Variants in EHD4 observed in about 807,000 individuals in gnomAD.
The protein encoded by EHD4 is EH domain-containing protein 4.
EHD4 carries 37 observed loss-of-function variants against 51.0 expected under a neutral mutation model. The observed-to-expected ratio is 0.73, with a 90% CI of 0.56 to 0.95. The LOEUF is 0.95. Among genes scored for constraint, EHD4 ranks in the 40% least tolerant of loss-of-function variants. The pLI, the probability that EHD4 is intolerant of heterozygous loss-of-function variation, is 0.00. For synonymous variants in EHD4, 297 were observed against 317.3 expected, an observed-to-expected ratio of 0.94 and a Z score of 0.68; for missense variants, 632 against 733.1, an observed-to-expected ratio of 0.86 and a Z score of 1.59.
At chr15:41,956,306 C>G (rs907775556) in intron 1 of EHD4, among the ~76,000 whole-genome samples, 5 of 150,390 alleles carry the variant, frequency 3.3e-5, no homozygotes, top group African/African-American at 9.7e-5. Flanking sequence ...GGCACCTTCA[C>G]CAAGCCTGGC....
chr15:41,965,869 A>T (rs1484620498), intron 1 of EHD4, among the ~76,000 whole-genome samples: 1 of 151,896 alleles, frequency 6.6e-6, no homozygotes, highest in Non-Finnish European at 1.5e-5. Flanking sequence ...CAACTGGCCC[A>T]GCTGCTGGCC....
intron 2 of EHD4, among the ~76,000 whole-genome samples, chr15:41,950,399 T>C (rs956271659): frequency 6.6e-6 from 1 of 152,242 alleles, no homozygotes; most frequent in Admixed American, 6.5e-5. Context: ...TGTGGCTGCT[T>C]GGGAGAGAAA....
intron 1 of EHD4, among the ~76,000 whole-genome samples, chr15:41,961,405 T>C (rs189067611): frequency 6.6e-6 from 1 of 152,220 alleles, no homozygotes; most frequent in East Asian, 1.9e-4. Context: ...GTGTTTTTGA[T>C]GTTGTAACTT....
At chr15:41,950,493 G>T (rs1665100934) in intron 2 of EHD4, among the ~76,000 whole-genome samples, 1 of 152,238 alleles carries the variant, frequency 6.6e-6, no homozygotes, top group African/African-American at 2.4e-5. Context: ...TGTGAAAAGA[G>T]GTTTGCCTCT....
chr15:41,932,999 G>A (rs1156714069), intron 3 of EHD4, among the ~76,000 whole-genome samples: 18 of 152,178 alleles, frequency 1.2e-4, no homozygotes, highest in Non-Finnish European at 2.9e-5. Flanking sequence ...CATGTTAAAT[G>A]GTTTACACAT....
chr15:41,912,804 C>T (rs2067559196), intron 4 of EHD4, among the ~76,000 whole-genome samples: 1 of 152,122 alleles, frequency 6.6e-6, no homozygotes, highest in Non-Finnish European at 1.5e-5. Flanking sequence ...TTCCTGGTTC[C>T]AGGACATCCA....
chr15:41,939,102 T>C (rs2067750055), intron 3 of EHD4, among the ~76,000 whole-genome samples: 1 of 152,170 alleles, frequency 6.6e-6, no homozygotes, highest in Non-Finnish European at 1.5e-5. Flanking sequence ...CTGGCTGCTA[T>C]CACCAAGGAC....
rs997108294 is a variant in EHD4 at position 41,899,290 on chromosome 15, G to A, written c.*1355C>T. 1 of 152,174 alleles carries A rather than the reference G, an allele frequency of 6.6e-6. No homozygotes were observed. The highest frequency in any genetic ancestry group is 1.5e-5 in the Non-Finnish European group (1 of 68,042). The allele number at this position is 152,174 out of a possible 1,614,324, so 9.4% of individuals were successfully genotyped here. On this transcript the variant is annotated 3_prime_UTR_variant, in exon 6 of 6. Coordinates refer to ENST00000220325, the MANE Select transcript of EHD4 (RefSeq NM_139265.4). The stretch of plus-strand genomic sequence containing the variant: ...TCCCCAAGCTGGTGCCCACAGAGGG[G>A]GAGGCACCTCCACCTGACGCAGGTG...
intron 2 of EHD4, among the ~76,000 whole-genome samples, chr15:41,947,119 G>C (rs1218614578): frequency 6.6e-6 from 1 of 152,168 alleles, no homozygotes; most frequent in African/African-American, 2.4e-5. Flanking sequence ...ACATGAACTT[G>C]GCAGTGCTGA....
intron 5 of EHD4, among the ~76,000 whole-genome samples, chr15:41,907,326 T>C (rs1008985785): frequency 1.9e-4 from 29 of 152,212 alleles, no homozygotes; most frequent in Non-Finnish European, 2.9e-5. Flanking sequence ...AGGAAACAGC[T>C]GTCTTACTCC....
chr15:41,924,101 T>C (rs2067645667), intron 3 of EHD4, among the ~76,000 whole-genome samples: 1 of 152,246 alleles, frequency 6.6e-6, no homozygotes. Flanking sequence ...TTGTTAACTT[T>C]CAGCAAATTT....
intron 3 of EHD4, among the ~76,000 whole-genome samples, chr15:41,924,569 C>T (rs988980544): frequency 2.6e-5 from 4 of 152,096 alleles, no homozygotes; most frequent in Non-Finnish European, 5.9e-5. Flanking sequence ...GTATCCAGTG[C>T]CTGGCATACA....
At position 41,898,122 on chromosome 15, in the gene EHD4, GA is replaced by G. The variant is rs1337755358; in HGVS notation, c.*2522del. ...ATGACTGCATGTAAGAGGATATTAA[GA>G]AAAGTGGCCAAATGATTTCCTTTTT... is the stretch of plus-strand genomic sequence containing the variant. On this transcript the variant is annotated 3_prime_UTR_variant, in exon 6 of 6. Coordinates refer to ENST00000220325, the MANE Select transcript of EHD4 (RefSeq NM_139265.4). 6.6e-6 allele frequency: 1 copy of G among 152,220 alleles called. No individual in the cohort carries two copies. Among genetic ancestry groups the G allele is most frequent in the Non-Finnish European group, 1.5e-5 (1 of 68,022 alleles). The allele number at this position is 152,220 out of a possible 1,614,324, so 9.4% of individuals were successfully genotyped here. A position where few individuals can be genotyped will look rare whatever the true frequency, so the allele number is the denominator to read the frequency against.
At chr15:41,915,529 T>C (rs1433684703) in intron 4 of EHD4, among the ~76,000 whole-genome samples, 1 of 152,260 alleles carries the variant, frequency 6.6e-6, no homozygotes, top group East Asian at 1.9e-4. Flanking sequence ...CTTCCTCAAA[T>C]GTTGCCTCAT....
intron 5 of EHD4, among the ~76,000 whole-genome samples, chr15:41,907,044 C>T (rs1388516356): frequency 6.6e-6 from 1 of 152,206 alleles, no homozygotes; most frequent in African/African-American, 2.4e-5. Flanking sequence ...CCAGCCCAGG[C>T]TAGCTTTGTC....
At chr15:41,927,774 A>T (rs2067672181) in intron 3 of EHD4, among the ~76,000 whole-genome samples, 1 of 152,222 alleles carries the variant, frequency 6.6e-6, no homozygotes. Flanking sequence ...GCGGAACCAC[A>T]CTGTGCCTAT....
intron 3 of EHD4, 63 bp from the exon 4 acceptor site, chr15:41,919,685 C>A: frequency 6.9e-7 from 1 of 1,441,876 alleles, no homozygotes. Flanking sequence ...TAATGGGCGG[C>A]TCAGGAACAG....
chr15:41,902,270 T>A (rs1294259911), intron 5 of EHD4, among the ~76,000 whole-genome samples: 1 of 151,570 alleles, frequency 6.6e-6, no homozygotes, highest in Non-Finnish European at 1.5e-5. Flanking sequence ...CATCCATCCA[T>A]CCATCCATCC....
intron 2 of EHD4, 58 bp from the exon 3 acceptor site, chr15:41,943,222 C>G: frequency 7.2e-7 from 1 of 1,388,532 alleles, no homozygotes; most frequent in Non-Finnish European, 9.9e-7. Flanking sequence ...GTGCTCCAAC[C>G]ATGGGGCTTC....
Sources: gnomAD v4.1 joint callset for allele counts (sites outside exome capture counted in the v4.1 genomes callset) on GRCh38, gnomAD v4.1.1 for gene constraint, MANE v1.5 for transcripts, NCBI Gene and HGNC (gene_info 2026-07-23, HGNC 2026-07-21) for gene names.